Variants in CDK14 observed in about 807,000 individuals in gnomAD.
CDK14 encodes cyclin-dependent kinase 14.
A neutral mutation model predicts 60.7 loss-of-function variants in CDK14; 34 were observed. That is an observed-to-expected ratio of 0.56 (90% CI 0.43 to 0.75). CDK14 has a LOEUF of 0.75. CDK14 is among the 30% of genes least tolerant of loss of function. CDK14 has a pLI of 0.00. For synonymous variants in CDK14, 197 were observed against 203.7 expected, an observed-to-expected ratio of 0.97 and a Z score of 0.28; for missense variants, 482 against 564.1, an observed-to-expected ratio of 0.85 and a Z score of 1.47.
chr7:90,702,514 A>G (rs1801805485), intron 2 of CDK14, among the ~76,000 whole-genome samples: 1 of 152,048 alleles, frequency 6.6e-6, no homozygotes, highest in Non-Finnish European at 1.5e-5. Context: ...GATCTAAATT[A>G]TATCAGTATT....
chr7:91,116,472 C>T lies in CDK14; in HGVS notation c.1295-1593C>T, dbSNP rs114155622. Among the ~76,000 whole-genome samples the T allele has an allele frequency of 2.8e-3, 433 of 152,256 alleles. 2 individuals carry two copies. The highest frequency in any genetic ancestry group is 9.5e-3 in the African/African-American group (395 of 41,542). ...AGGTGGGCACAGTAGTCTCCAGGGA[C>T]CTTTCTAGCTCTAGAGTTTGTCGAT... On this transcript the variant is annotated intron_variant, in intron 13 of 14. Transcript: ENST00000380050.
In CDK14 at chr7:90,703,603, T is replaced by C. The variant is rs1226875128; in HGVS notation, c.124-22964T>C. Among the ~76,000 whole-genome samples, 5 of 152,178 alleles carry C rather than the reference T, an allele frequency of 3.3e-5. No individual in the cohort carries two copies. The East Asian group carries it at 9.6e-4, about 29-fold the overall frequency. On this transcript the variant is annotated intron_variant, in intron 2 of 14. Transcript: ENST00000380050. ...AGTCTTTTGAAACAAGGGTTTGTAA[T>C]TGAATTAATGAGGAAGCAAAAACTG... is the stretch of plus-strand genomic sequence containing the variant.
chr7:91,071,381 C>G (rs697396), intron 11 of CDK14, among the ~76,000 whole-genome samples: 111,215 of 152,084 alleles, frequency 0.73, 41,342 homozygotes, highest in East Asian at 0.93. Flanking sequence ...CATGATCCAC[C>G]GAGAGGAAGG....
chr7:91,114,785 C>T (rs1799559809), intron 13 of CDK14, among the ~76,000 whole-genome samples: 1 of 152,102 alleles, frequency 6.6e-6, no homozygotes, highest in Non-Finnish European at 1.5e-5. Context: ...CAAGAAAGGA[C>T]AATCCCAGTA....
chr7:90,848,799 T>C (rs954586322), intron 5 of CDK14, among the ~76,000 whole-genome samples: 1 of 152,358 alleles, frequency 6.6e-6, no homozygotes, highest in African/African-American at 2.4e-5. Context: ...AAATGTCCCA[T>C]GCTAATAACA....
At chr7:90,662,207 G>T (rs1202142577) in intron 2 of CDK14, among the ~76,000 whole-genome samples, 2 of 152,194 alleles carry the variant, frequency 1.3e-5, no homozygotes, top group African/African-American at 4.8e-5. Context: ...AGAACTGAAA[G>T]AAATTCTGGT....
chr7:90,933,917 A>G (rs1289237402), intron 8 of CDK14, among the ~76,000 whole-genome samples: 6 of 152,314 alleles, frequency 3.9e-5, no homozygotes, highest in Non-Finnish European at 7.3e-5. Context: ...ACAGATGGCA[A>G]TTATTTGATT....
intron 6 of CDK14, among the ~76,000 whole-genome samples, chr7:90,882,012 C>T (rs1033082942): frequency 6.6e-6 from 1 of 152,048 alleles, no homozygotes; most frequent in Non-Finnish European, 1.5e-5. Context: ...AATGACACTA[C>T]GAAGAAACTC....
At chr7:91,083,685 A>C (rs1260821995) in intron 12 of CDK14, among the ~76,000 whole-genome samples, 1 of 152,180 alleles carries the variant, frequency 6.6e-6, no homozygotes, top group East Asian at 1.9e-4. Flanking sequence ...TCTTCTAGGA[A>C]ATTGCAGATA....
At chr7:90,808,625 T>C (rs1049647661) in intron 5 of CDK14, among the ~76,000 whole-genome samples, 1 of 152,108 alleles carries the variant, frequency 6.6e-6, no homozygotes, top group Non-Finnish European at 1.5e-5. Context: ...GATATTAACC[T>C]TAAATGTAAA....
intron 9 of CDK14, among the ~76,000 whole-genome samples, chr7:90,983,181 C>T (rs184079493): frequency 2.0e-5 from 3 of 152,276 alleles, no homozygotes; most frequent in Admixed American, 2.0e-4. Flanking sequence ...AACTGTCATA[C>T]AACCCAGCAA....
chr7:90,875,043 G>A (rs1382319422), intron 6 of CDK14, among the ~76,000 whole-genome samples: 3 of 152,022 alleles, frequency 2.0e-5, no homozygotes, highest in Non-Finnish European at 4.4e-5. Context: ...CCCTGCTCCT[G>A]AACCACCGAT....
At chr7:90,770,129 A>G (rs1432723920) in intron 4 of CDK14, among the ~76,000 whole-genome samples, 16 of 152,244 alleles carry the variant, frequency 1.1e-4, no homozygotes, top group Admixed American at 8.5e-4. Context: ...AGATTGCTCT[A>G]TAGAAAAGGG....
intron 2 of CDK14, among the ~76,000 whole-genome samples, chr7:90,722,551 CA>C (rs1486725283): frequency 6.6e-6 from 1 of 151,720 alleles, no homozygotes; most frequent in Non-Finnish European, 1.5e-5. Context: ...TAGTAGTTAG[CA>C]AAAATGGTAA....
intron 12 of CDK14, among the ~76,000 whole-genome samples, chr7:91,092,575 A>G (rs181008037): frequency 3.9e-5 from 6 of 152,368 alleles, no homozygotes; most frequent in Non-Finnish European, 7.3e-5. Flanking sequence ...TTATCGCAGA[A>G]AAATCGTTTC....
intron 4 of CDK14, among the ~76,000 whole-genome samples, 164 bp downstream of exon 4, chr7:90,747,939 G>A (rs1448480216): frequency 1.4e-5 from 2 of 138,526 alleles, no homozygotes; most frequent in Non-Finnish European, 3.0e-5. Flanking sequence ...AAACTCATTG[G>A]AATTGGTGTA....
intron 3 of CDK14, among the ~76,000 whole-genome samples, chr7:90,736,350 GT>G (rs869290471): frequency 3.8e-3 from 191 of 50,286 alleles, no homozygotes; most frequent in Non-Finnish European, 4.1e-3. Flanking sequence ...TTATGTTTTT[GT>G]TTTTTTTTTT....
intron 9 of CDK14, among the ~76,000 whole-genome samples, chr7:90,957,663 T>C (rs1044131334): frequency 6.6e-6 from 1 of 152,038 alleles, no homozygotes; most frequent in Non-Finnish European, 1.5e-5. Context: ...AAGGACCTCT[T>C]CAAGGAGAAC....
chr7:91,188,099 A>G (rs1417375674), intron 14 of CDK14, among the ~76,000 whole-genome samples: 1 of 152,234 alleles, frequency 6.6e-6, no homozygotes. Context: ...GCTTTTCATT[A>G]AAAGGAAAAC....
Sources: allele counts gnomAD v4.1 joint callset (sites outside exome capture counted in the v4.1 genomes callset), GRCh38; gene constraint gnomAD v4.1.1; transcripts MANE v1.5; gene names NCBI Gene and HGNC (gene_info 2026-07-23, HGNC 2026-07-21).